IL1RAPL2: variants seen among roughly 807,000 people sequenced by gnomAD.
IL1RAPL2 encodes the protein X-linked interleukin-1 receptor accessory protein-like 2.
A neutral mutation model predicts 44.1 loss-of-function variants in IL1RAPL2; 3 were observed. The ratio of observed to expected loss-of-function variants is 0.07; its 90% CI spans 0.03 to 0.18. The LOEUF (loss-of-function observed/expected upper bound fraction) is 0.18. Among genes scored for constraint, IL1RAPL2 ranks in the 10% least tolerant of loss-of-function variants. The pLI, the probability that IL1RAPL2 is intolerant of heterozygous loss-of-function variation, is 1.00. For synonymous variants in IL1RAPL2, 181 were observed against 178.8 expected (o/e 1.01, Z -0.10); for missense variants, 391 against 496.4 (o/e 0.79, Z 2.02).
intron 1 of IL1RAPL2, among the ~76,000 whole-genome samples, chrX:104,585,306 TTATATAATATATATTA>T (rs1928510423): frequency 9.5e-5 from 2 of 21,146 alleles, no homozygotes; most frequent in Non-Finnish European, 1.4e-4. Context: ...ATATTATATA[TTATATAATATATATTA>T]TATATAATAT....
chrX:104,646,469 TATC>T (rs1214046399), intron 1 of IL1RAPL2, among the ~76,000 whole-genome samples: 1 of 111,752 alleles, frequency 8.9e-6, no homozygotes, highest in African/African-American at 3.3e-5. Flanking sequence ...CTGTTGTAGG[TATC>T]ATATTAATTT....
chrX:104,671,533 G>T (rs995053221), intron 2 of IL1RAPL2, among the ~76,000 whole-genome samples: 7 of 111,102 alleles, frequency 6.3e-5, no homozygotes, highest in African/African-American at 2.3e-4. Flanking sequence ...CTTCCTCTGT[G>T]CTCCTGTAGC....
At chrX:104,733,619 A>AAATAAGAAT (rs1931961524) in intron 2 of IL1RAPL2, among the ~76,000 whole-genome samples, 1 of 98,875 alleles carries the variant, frequency 1.0e-5, no homozygotes, top group Non-Finnish European at 2.0e-5. Flanking sequence ...CTCTGTCTCA[A>AAATAAGAAT]AATAATAATA....
intron 1 of IL1RAPL2, among the ~76,000 whole-genome samples, chrX:104,657,035 C>A (rs1375675668): frequency 9.1e-6 from 1 of 110,451 alleles, no homozygotes; most frequent in Non-Finnish European, 1.9e-5. Context: ...CTTGGTAGAT[C>A]TTCCTCCATC....
intron 6 of IL1RAPL2, among the ~76,000 whole-genome samples, chrX:105,675,061 G>A (rs373115350): frequency 3.6e-5 from 4 of 110,799 alleles, no homozygotes; most frequent in Non-Finnish European, 5.7e-5. Context: ...AAGCTTTGGC[G>A]CTGAGACGAT....
At position 105,539,564 on chromosome X, in the gene IL1RAPL2, A is replaced by G. The variant is rs182134617; in HGVS notation, c.772+55177A>G. On this transcript the variant is annotated intron_variant, in intron 6 of 10. Coordinates refer to ENST00000372582, the MANE Select transcript of IL1RAPL2 (RefSeq NM_017416.2). ...ATTTAAATTTAAGACCTTAAACAGT[A>G]AGAATCGTAGAAGAAAACCTAGGAA... Among the ~76,000 whole-genome samples the G allele has an allele frequency of 4.2e-3, 472 of 112,067 alleles. 2 individuals carry two copies. The highest frequency in any genetic ancestry group is 0.014 in the African/African-American group (432 of 30,890).
intron 2 of IL1RAPL2, among the ~76,000 whole-genome samples, chrX:105,024,268 T>C (rs1281662437): frequency 5.4e-5 from 6 of 111,761 alleles, no homozygotes; most frequent in African/African-American, 1.9e-4. Flanking sequence ...CTGCCCATCA[T>C]ACAATTTTGC....
intron 7 of IL1RAPL2, among the ~76,000 whole-genome samples, chrX:105,734,565 A>T (rs1427420941): frequency 6.3e-5 from 7 of 110,967 alleles, no homozygotes; most frequent in Admixed American, 4.8e-4. Flanking sequence ...CTAATTTTTT[A>T]AAATTATTAT....
intron 2 of IL1RAPL2, among the ~76,000 whole-genome samples, chrX:105,012,949 G>C (rs1473493194): frequency 1.8e-5 from 2 of 110,533 alleles, no homozygotes; most frequent in Non-Finnish European, 3.8e-5. Flanking sequence ...AGTAAGGTTA[G>C]ATGGCCGTTG....
At position 104,892,065 on chromosome X, in the gene IL1RAPL2, G is replaced by C. The variant is rs186990400; in HGVS notation, c.82+233070G>C. Among the ~76,000 whole-genome samples the C allele has an allele frequency of 1.7e-3, 187 of 111,544 alleles. 2 individuals are homozygous for C. The highest frequency in any genetic ancestry group is 5.9e-3 in the African/African-American group (181 of 30,721). On this transcript the variant is annotated intron_variant, in intron 2 of 10. Transcript: ENST00000372582. ...CTATTGAGATAATCATGTGGTTTTC[G>C]TCTTTGGTTCTGTTTATATGGTGGA...
chrX:105,179,416 C>T (rs1201013560), intron 2 of IL1RAPL2, among the ~76,000 whole-genome samples: 1 of 111,707 alleles, frequency 9.0e-6, no homozygotes, highest in Non-Finnish European at 1.9e-5. Context: ...TTTGAAATCA[C>T]GTAATGTGAT....
intron 6 of IL1RAPL2, among the ~76,000 whole-genome samples, chrX:105,574,154 G>A (rs1218784765): frequency 2.7e-5 from 3 of 112,075 alleles, no homozygotes; most frequent in Non-Finnish European, 5.6e-5. Context: ...TATTCATCGG[G>A]TTTGTAAATA....
intron 2 of IL1RAPL2, among the ~76,000 whole-genome samples, chrX:104,847,618 A>G (rs1922092249): frequency 1.8e-5 from 2 of 111,913 alleles, no homozygotes; most frequent in South Asian, 7.5e-4. Flanking sequence ...GCTTGAAGTC[A>G]GGTAGCTTGA....
chrX:105,581,200 C>G (rs2037087038), intron 6 of IL1RAPL2, among the ~76,000 whole-genome samples: 1 of 111,584 alleles, frequency 9.0e-6, no homozygotes, highest in Admixed American at 9.6e-5. Flanking sequence ...CTAAATATCA[C>G]ACTAAAAATT....
intron 7 of IL1RAPL2, among the ~76,000 whole-genome samples, chrX:105,722,517 T>G (rs1398189146): frequency 1.8e-5 from 2 of 111,614 alleles, no homozygotes; most frequent in Non-Finnish European, 3.8e-5. Flanking sequence ...AGAAAAAAAT[T>G]GCTAATCATA....
intron 1 of IL1RAPL2, among the ~76,000 whole-genome samples, chrX:104,588,066 C>A (rs1928596118): frequency 9.0e-6 from 1 of 111,455 alleles, no homozygotes; most frequent in African/African-American, 3.3e-5. Flanking sequence ...GAATTTTGAA[C>A]CCTCATTTGT....
At chrX:105,029,917 T>C (rs1040339992) in intron 2 of IL1RAPL2, among the ~76,000 whole-genome samples, 4 of 111,341 alleles carry the variant, frequency 3.6e-5, no homozygotes, top group African/African-American at 1.3e-4. Flanking sequence ...GAACCTGTTG[T>C]TTCCTGACTT....
At chrX:105,042,383 AAG>A (rs1454649681) in intron 2 of IL1RAPL2, among the ~76,000 whole-genome samples, 2 of 110,605 alleles carry the variant, frequency 1.8e-5, no homozygotes, top group African/African-American at 6.6e-5. Flanking sequence ...ATTTACAAGA[AAG>A]AAACAAACAA....
At chrX:104,797,187 C>T (rs1205654178) in intron 2 of IL1RAPL2, among the ~76,000 whole-genome samples, 6 of 18,214 alleles carry the variant, frequency 3.3e-4, no homozygotes, top group African/African-American at 9.5e-4. Context: ...TCTCTTCAGC[C>T]CCCCCCCCCC....
Sources: allele counts gnomAD v4.1 joint callset (sites outside exome capture counted in the v4.1 genomes callset), GRCh38; gene constraint gnomAD v4.1.1; transcripts MANE v1.5; gene names NCBI Gene and HGNC (gene_info 2026-07-23, HGNC 2026-07-21).